Variants in MYH3 observed in about 807,000 individuals in gnomAD.
MYH3 encodes myosin-3.
In MYH3, 130 loss-of-function variants were observed where a neutral mutation model predicts 238.0. That is an observed-to-expected ratio of 0.55 (90% confidence interval 0.47 to 0.63). MYH3 has a LOEUF of 0.63. Ranked by LOEUF, MYH3 falls within the 30% of genes least tolerant of loss-of-function variation. MYH3 has a pLI of 0.00. For synonymous variants in MYH3, 880 were observed against 924.1 expected (o/e 0.95, Z 0.86); for missense variants, 1,853 against 2,374.9 (o/e 0.78, Z 4.57).
At chr17:10,669,497 A>G in the MYH3 span, among the ~76,000 whole-genome samples, 31,231 of 149,512 alleles carry the variant, frequency 0.21, 3,415 homozygotes, top group Non-Finnish European at 0.25. Context: ...AACCTGGGAG[A>G]TGGAGGTTGT....
At chr17:10,647,759 G>A (rs975183154) in intron 8 of MYH3, among the ~76,000 whole-genome samples, 19 of 152,264 alleles carry the variant, frequency 1.2e-4, no homozygotes, top group Admixed American at 1.1e-3. Flanking sequence ...TGGCCAGGAT[G>A]GTCTCGATCT....
chr17:10,644,374 T>C lies in MYH3; in HGVS notation c.1387A>G (p.Ile463Val). The C allele has an allele frequency of 6.2e-7, 1 of 1,614,172 alleles. No individual in the cohort carries two copies. The highest frequency in any genetic ancestry group is 1.1e-5 in the South Asian group (1 of 91,088). The part of the protein sequence containing the change: ...PRQHFIGVLD[I>V]AGFEIFEYNS... ...ACCTCAAAGATTTCAAAGCCTGCAA[T>C]GTCCAAAACACCAATGAAGTGTTGT... The change falls in exon 14 of 41, where the codon ATT becomes GTT. Residue 463 changes from isoleucine (I) to valine (V), a missense_variant. By Grantham distance (29) the Ile-to-Val change is conservative. Transcript: ENST00000583535.
the MYH3 span, among the ~76,000 whole-genome samples, chr17:10,670,060 C>T: frequency 6.6e-6 from 1 of 152,186 alleles, no homozygotes; most frequent in African/African-American, 2.4e-5. The surrounding 1 kb of genome is among the most constrained non-coding windows in gnomAD (Gnocchi z 7.0). Context: ...GAGGCAGAGG[C>T]AGCTGGGTTA....
intron 8 of MYH3, 99 bp from the exon 9 acceptor site, chr17:10,647,525 A>C: frequency 6.7e-6 from 9 of 1,340,212 alleles, no homozygotes; most frequent in Non-Finnish European, 8.4e-6. Context: ...AGTCCCCCTA[A>C]AATTTTTGTT....
At chr17:10,677,571 A>C in the MYH3 span, 2 of 152,224 alleles carry the variant, frequency 1.3e-5, no homozygotes, top group African/African-American at 2.4e-5. Flanking sequence ...ACGCATTTAC[A>C]ATTTAAAATC....
intron 17 of MYH3, 136 bp from the exon 18 acceptor site, chr17:10,641,508 CTTTTTTTT>C (rs541839271): frequency 6.0e-5 from 7 of 117,490 alleles, no homozygotes; most frequent in African/African-American, 1.4e-4. Flanking sequence ...TTAACTCTGT[CTTTTTTTT>C]TTTTTTTTTT....
intron 38 of MYH3, 22 bp from the exon 39 acceptor site, chr17:10,629,959 T>C (rs778100400): frequency 2.5e-6 from 4 of 1,613,582 alleles, no homozygotes; most frequent in Non-Finnish European, 3.4e-6. Context: ...AAAGTGGGAA[T>C]GTCACTGGAG....
chr17:10,674,738 G>T, the MYH3 span: 1 of 152,384 alleles, frequency 6.6e-6, no homozygotes, highest in African/African-American at 2.4e-5. Flanking sequence ...CCCTTGGTAT[G>T]ACCTCTTGAG....
At chr17:10,629,512 A>G in intron 40 of MYH3, 85 bp downstream of exon 40, 5 of 1,566,914 alleles carry the variant, frequency 3.2e-6, no homozygotes, top group Non-Finnish European at 3.5e-6. Flanking sequence ...CCCCAGCTCT[A>G]AAGTAAAGGG....
the MYH3 span, among the ~76,000 whole-genome samples, chr17:10,663,410 G>A: frequency 6.6e-6 from 1 of 152,184 alleles, no homozygotes; most frequent in South Asian, 2.1e-4. Context: ...ACTCTGTGAA[G>A]AGGCATTCAT....
At position 10,638,415 on chromosome 17, in the gene MYH3, C is replaced by T. The variant is rs1363395083; in HGVS notation, c.3357G>A (p.Leu1119=). 2 of 1,600,322 alleles carry T rather than the reference C, an allele frequency of 1.2e-6. No homozygotes were observed. The highest frequency in any genetic ancestry group is 1.7e-5 in the Admixed American group (1 of 59,972). Residue 1119 remains leucine, a synonymous_variant, in exon 27 of 41, where the codon CTG becomes CTA. Transcript: ENST00000583535. ...IKELQARIEE[L]EEEIEAERAT... ...CCCTCTCCGCCTCTATCTCCTCTTC[C>T]AGCTCCTCAATTCGAGCCTGTGGAG...
intron 34 of MYH3, 74 bp from the exon 35 acceptor site, chr17:10,632,090 T>C (rs1567551912): frequency 6.6e-7 from 1 of 1,517,684 alleles, no homozygotes; most frequent in African/African-American, 1.4e-5. Context: ...CATCTCTGAG[T>C]TTTGTTTGTT....
chr17:10,637,265 G>A (rs534797970), intron 28 of MYH3, among the ~76,000 whole-genome samples: 5 of 151,982 alleles, frequency 3.3e-5, no homozygotes, highest in Admixed American at 2.6e-4. Flanking sequence ...TCACCATGTC[G>A]GCCAGGCTGG....
At chr17:10,647,466 A>G in intron 8 of MYH3, 40 bp from the exon 9 acceptor site, 1 of 1,597,876 alleles carries the variant, frequency 6.3e-7, no homozygotes, top group Admixed American at 1.7e-5. Flanking sequence ...AGATTCTACC[A>G]TGGCCCAATA....
chr17:10,656,873 G>A (rs1276034765), intron 1 of MYH3, among the ~76,000 whole-genome samples: 1 of 152,206 alleles, frequency 6.6e-6, no homozygotes, highest in Non-Finnish European at 1.5e-5. Flanking sequence ...CCTGGCAGAT[G>A]TACAGCCCAG....
At chr17:10,662,378 A>G in the MYH3 span, among the ~76,000 whole-genome samples, 2 of 152,120 alleles carry the variant, frequency 1.3e-5, no homozygotes, top group African/African-American at 4.8e-5. Flanking sequence ...AGCGTAATAA[A>G]TGAACACCCA....
chr17:10,639,839 A>G, intron 22 of MYH3, 37 bp from the exon 23 acceptor site: 2 of 1,612,788 alleles, frequency 1.2e-6, no homozygotes, highest in Non-Finnish European at 1.7e-6. Context: ...GTTGAATGAT[A>G]TAAGGTTTGC....
intron 3 of MYH3, 141 bp from the exon 4 acceptor site, chr17:10,652,704 C>G: frequency 1.1e-6 from 1 of 927,454 alleles, no homozygotes. Context: ...TCACTGCAAG[C>G]TCCACCTCCC....
rs1250744125 is a variant in MYH3 at position 10,647,185 on chromosome 17, T to C, written c.895A>G (p.Ile299Val). 1 of 1,613,006 alleles carries C rather than the reference T, an allele frequency of 6.2e-7. No individual in the cohort carries two copies. The highest frequency in any genetic ancestry group is 1.7e-5 in the Admixed American group (1 of 60,030). The change falls in exon 10 of 41, where the codon ATA (isoleucine) becomes GTA (valine). Residue 299 changes from isoleucine to valine, a missense_variant. This residue lies in a region of MYH3 where 678 missense variants were observed against 1,058.9 expected (regional missense o/e 0.64). Coordinates refer to ENST00000583535, the MANE Select transcript of MYH3 (RefSeq NM_002470.4). ...GCCCCACTGGTGACTTCCTCACCTA[T>C]GAGCTCAGGCTTCTTGTTAGAAAGA... is the stretch of plus-strand genomic sequence containing the variant. ...QILSNKKPELIELLLITTNPY... is the reference protein window; with the variant it reads ...QILSNKKPELVELLLITTNPY...
Sources: allele counts gnomAD v4.1 joint callset (sites outside exome capture counted in the v4.1 genomes callset), GRCh38; gene constraint gnomAD v4.1.1; regional missense constraint gnomAD v4.1.1; non-coding constraint Gnocchi (gnomAD v3.1); transcripts MANE v1.5; gene names NCBI Gene and HGNC (gene_info 2026-07-23, HGNC 2026-07-21).